The following MICU1 variants were observed in gnomAD, a reference collection of about 807,000 sequenced individuals.
The protein encoded by MICU1 is calcium uptake protein 1, mitochondrial.
MICU1 carries 45 observed loss-of-function variants against 56.8 expected under a neutral mutation model. The ratio of observed to expected loss-of-function variants is 0.79; its 90% confidence interval spans 0.62 to 1.02. The LOEUF (loss-of-function observed/expected upper bound fraction) is 1.02. MICU1 is among the 50% of genes least tolerant of loss of function. The pLI, the probability that MICU1 is intolerant of heterozygous loss-of-function variation, is 0.00. For missense variants in MICU1, 504 were observed against 587.1 expected (o/e 0.86, Z 1.46); for synonymous variants, 186 against 195.1 (o/e 0.95, Z 0.39).
Position 72,491,444 on chromosome 10 carries a change from C to T in MICU1, c.653-14188G>A, listed in dbSNP as rs1432087769. Among the ~76,000 whole-genome samples the T allele has an allele frequency of 5.3e-5, 8 of 152,292 alleles. No homozygotes were observed. In the South Asian group the frequency reaches 1.7e-3, roughly 32 times the overall value. On this transcript the variant is annotated intron_variant, in intron 6 of 11. Transcript: ENST00000361114. ...TTTCTTAAAAGGAGGCACTCAAAAT[C>T]CTCTCTCCCATGGATTCATATTCAC...
intron 10 of MICU1, among the ~76,000 whole-genome samples, chr10:72,405,576 C>CAAAA (rs60182582): frequency 7.7e-6 from 1 of 129,634 alleles, no homozygotes; most frequent in Non-Finnish European, 1.6e-5. Context: ...AAAGACATTA[C>CAAAA]AAAAAAAAAA....
At chr10:72,495,234 A>T (rs371378648) in intron 6 of MICU1, among the ~76,000 whole-genome samples, 2 of 21,412 alleles carry the variant, frequency 9.3e-5, no homozygotes, top group South Asian at 8.2e-4. Flanking sequence ...TCAGAGATCT[A>T]AAAAAAAAAA....
chr10:72,483,812 A>G (rs1866379595), intron 6 of MICU1: 1 of 152,598 alleles, frequency 6.6e-6, no homozygotes, highest in African/African-American at 2.4e-5. Flanking sequence ...CCTGCTGTGC[A>G]CAGCCCCAGT....
At chr10:72,500,506 G>C (rs1867035637) in intron 6 of MICU1, among the ~76,000 whole-genome samples, 2 of 151,148 alleles carry the variant, frequency 1.3e-5, no homozygotes, top group Non-Finnish European at 2.9e-5. Flanking sequence ...ATTTTTAGTA[G>C]AGACAAGGTT....
chr10:72,403,822 A>AT (rs1385202323), intron 10 of MICU1, among the ~76,000 whole-genome samples: 1 of 150,016 alleles, frequency 6.7e-6, no homozygotes, highest in Non-Finnish European at 1.5e-5. Context: ...CACCCAGCTA[A>AT]TTTTTTGTAT....
rs1866082145 is a variant in MICU1, at chr10:72,475,297, C to A, written c.736G>T (p.Val246Phe). Residue 246 changes from valine to phenylalanine, a missense_variant and splice_region_variant, in exon 8 of 12, where the codon GTT becomes TTT. Val to Phe is a conservative substitution (Grantham distance 50). Transcript: ENST00000361114. ...GEVDMEEFEQ[V>F]QSIIRSQTSM... is the part of the protein sequence containing the mutation. ...GTTTGGGAGCGAATGATGCTCTGAA[C>A]CTAATACAGAATCAAACCCACATCC... The A allele has an allele frequency of 6.3e-7, 1 of 1,591,132 alleles. No individual in the cohort carries two copies. Among genetic ancestry groups the A allele is most frequent in the East Asian group, 2.2e-5 (1 of 44,458 alleles).
intron 8 of MICU1, among the ~76,000 whole-genome samples, chr10:72,447,397 T>C (rs1247253251): frequency 6.6e-6 from 1 of 152,176 alleles, no homozygotes; most frequent in Admixed American, 6.6e-5. Context: ...TCTATACAGA[T>C]ATATATTATT....
intron 9 of MICU1, among the ~76,000 whole-genome samples, chr10:72,423,007 T>C (rs948942221): frequency 1.3e-5 from 2 of 151,942 alleles, no homozygotes; most frequent in African/African-American, 4.8e-5. Flanking sequence ...TCAATTTCAG[T>C]TGGTGCCACC....
At chr10:72,456,059 A>G (rs1865449047) in intron 8 of MICU1, among the ~76,000 whole-genome samples, 1 of 152,196 alleles carries the variant, frequency 6.6e-6, no homozygotes, top group Non-Finnish European at 1.5e-5. Context: ...TCTATTCACT[A>G]GACTCAAAGC....
intron 1 of MICU1, among the ~76,000 whole-genome samples, chr10:72,579,204 T>C (rs1320682019): frequency 6.6e-6 from 1 of 152,136 alleles, no homozygotes; most frequent in Non-Finnish European, 1.5e-5. Flanking sequence ...GCTGTGACAA[T>C]ACACCTTATA....
At chr10:72,371,435 T>C (rs182699543) in intron 11 of MICU1, among the ~76,000 whole-genome samples, 1 of 139,086 alleles carries the variant, frequency 7.2e-6, no homozygotes, top group Non-Finnish European at 1.6e-5. Context: ...TAATGAATAA[T>C]TTGGCTTATC....
chr10:72,476,476 G>A (rs1014282251), intron 7 of MICU1, among the ~76,000 whole-genome samples: 1 of 151,950 alleles, frequency 6.6e-6, no homozygotes, highest in Non-Finnish European at 1.5e-5. Flanking sequence ...TCCCCCAACC[G>A]CCTCTGCCTC....
intron 5 of MICU1, among the ~76,000 whole-genome samples, chr10:72,521,173 G>A (rs1368732401): frequency 1.3e-5 from 2 of 151,780 alleles, no homozygotes; most frequent in Non-Finnish European, 2.9e-5. Context: ...CTTTCACTTG[G>A]AAAAAAATTT....
intron 1 of MICU1, among the ~76,000 whole-genome samples, chr10:72,619,082 T>A (rs1342411671): frequency 1.3e-5 from 2 of 152,268 alleles, no homozygotes; most frequent in African/African-American, 4.8e-5. Context: ...TATATCAGAC[T>A]GATAAAGGTT....
intron 10 of MICU1, among the ~76,000 whole-genome samples, chr10:72,397,100 A>G (rs1040079189): frequency 7.2e-5 from 11 of 152,230 alleles, no homozygotes; most frequent in Non-Finnish European, 1.3e-4. Flanking sequence ...GAAACCCTAC[A>G]AGCCAGAAGA....
intron 5 of MICU1, among the ~76,000 whole-genome samples, chr10:72,514,565 G>A (rs957125110): frequency 2.6e-5 from 4 of 152,184 alleles, no homozygotes; most frequent in African/African-American, 7.2e-5. Context: ...GTCATAGGTC[G>A]TCACTCAAGT....
chr10:72,594,390 C>T (rs1334879655), intron 1 of MICU1, among the ~76,000 whole-genome samples: 1 of 150,900 alleles, frequency 6.6e-6, no homozygotes, highest in Non-Finnish European at 1.5e-5. Context: ...ACACCACATA[C>T]AAAAATTAAC....
At chr10:72,396,788 A>G (rs1863279086) in intron 10 of MICU1, among the ~76,000 whole-genome samples, 1 of 152,228 alleles carries the variant, frequency 6.6e-6, no homozygotes, top group African/African-American at 2.4e-5. Context: ...GACTATGTGC[A>G]AAGACCAAAT....
chr10:72,424,247 G>A (rs1460568252), intron 8 of MICU1, among the ~76,000 whole-genome samples: 3 of 151,964 alleles, frequency 2.0e-5, no homozygotes, highest in African/African-American at 7.3e-5. Flanking sequence ...CGAGTAAATG[G>A]GATTACAGGT....
Sources: gnomAD v4.1 joint callset for allele counts (sites outside exome capture counted in the v4.1 genomes callset) on GRCh38, gnomAD v4.1.1 for gene constraint, MANE v1.5 for transcripts, NCBI Gene and HGNC (gene_info 2026-07-23, HGNC 2026-07-21) for gene names.